Variants in PHEX observed in about 807,000 individuals in gnomAD.
PHEX encodes phosphate regulating endopeptidase X-linked.
PHEX carries 16 observed loss-of-function variants against 68.0 expected under a neutral mutation model. That is an observed-to-expected ratio of 0.24 (90% confidence interval 0.16 to 0.36). PHEX has a LOEUF of 0.36. Ranked by LOEUF, PHEX falls within the 10% of genes least tolerant of loss-of-function variation. PHEX has a pLI of 1.00. For missense variants in PHEX, 480 were observed against 575.5 expected, an observed-to-expected ratio of 0.83 and a Z score of 1.70; for synonymous variants, 208 against 205.1, an observed-to-expected ratio of 1.01 and a Z score of -0.12.
At chrX:22,092,373 T>C (rs1207904621) in intron 6 of PHEX, among the ~76,000 whole-genome samples, 1 of 111,314 alleles carries the variant, frequency 9.0e-6, no homozygotes, top group Non-Finnish European at 1.9e-5. Flanking sequence ...AATAAATATG[T>C]TTTTTGGTTT....
chrX:22,034,208 C>T (rs1267547478), intron 1 of PHEX, among the ~76,000 whole-genome samples: 1 of 111,935 alleles, frequency 8.9e-6, no homozygotes, highest in East Asian at 2.8e-4. Flanking sequence ...AGGGTTTAAA[C>T]AAGGGTCCTC....
chrX:22,047,351 A>G, intron 3 of PHEX, 140 bp downstream of exon 3: 2 of 566,396 alleles, frequency 3.5e-6, no homozygotes, highest in South Asian at 5.4e-5. Context: ...TTAAAATGAA[A>G]GATTGAAAGG....
intron 5 of PHEX, among the ~76,000 whole-genome samples, chrX:22,083,208 G>C (rs1455916949): frequency 2.7e-5 from 3 of 112,131 alleles, no homozygotes; most frequent in Non-Finnish European, 5.6e-5. Flanking sequence ...AGATGTAAAT[G>C]TAAAACCTAA....
At chrX:22,074,259 T>C (rs1272741141) in intron 3 of PHEX, among the ~76,000 whole-genome samples, 1 of 109,477 alleles carries the variant, frequency 9.1e-6, no homozygotes, top group African/African-American at 3.3e-5. Flanking sequence ...TGTCTGCATA[T>C]CAATGCTCTC....
At chrX:22,198,967 G>A (rs1934464215) in intron 15 of PHEX, among the ~76,000 whole-genome samples, 1 of 111,248 alleles carries the variant, frequency 9.0e-6, no homozygotes, top group Admixed American at 9.6e-5. Flanking sequence ...AGGCAAGAGA[G>A]TGTATGCAGG....
chrX:22,172,832 C>G (rs1005636306), intron 13 of PHEX: 2 of 111,895 alleles, frequency 1.8e-5, no homozygotes, highest in Non-Finnish European at 1.9e-5. Flanking sequence ...AAGTCAGAAT[C>G]ATGGCTGGCC....
chrX:22,049,882 T>C (rs1188040968), intron 3 of PHEX, among the ~76,000 whole-genome samples: 1 of 111,570 alleles, frequency 9.0e-6, no homozygotes, highest in African/African-American at 3.3e-5. Context: ...AAAAAGTTTG[T>C]TTCTAGGTCT....
At chrX:22,040,713 G>A (rs183329736) in intron 2 of PHEX, among the ~76,000 whole-genome samples, 12 of 110,852 alleles carry the variant, frequency 1.1e-4, no homozygotes, top group African/African-American at 3.6e-4. Context: ...CTTGAGGAAC[G>A]GGAGGAGCTT....
At chrX:22,034,239 G>T (rs1008533054) in intron 1 of PHEX, among the ~76,000 whole-genome samples, 2 of 112,171 alleles carry the variant, frequency 1.8e-5, no homozygotes, top group African/African-American at 6.5e-5. Context: ...CCAAACAAGA[G>T]GAAAAATTCT....
intron 3 of PHEX, among the ~76,000 whole-genome samples, chrX:22,056,851 G>A (rs1928136155): frequency 9.2e-6 from 1 of 108,865 alleles, no homozygotes; most frequent in Non-Finnish European, 1.9e-5. Context: ...CATCTTATGA[G>A]TGTTCCCATA....
At chrX:22,071,864 G>A (rs888761520) in intron 3 of PHEX, among the ~76,000 whole-genome samples, 2 of 112,024 alleles carry the variant, frequency 1.8e-5, no homozygotes, top group African/African-American at 6.5e-5. Flanking sequence ...TTGGGAGGCC[G>A]AGGCGGGTGG....
At chrX:22,153,047 A>G (rs1240380294) in intron 12 of PHEX, among the ~76,000 whole-genome samples, 1 of 108,020 alleles carries the variant, frequency 9.3e-6, no homozygotes, top group African/African-American at 3.4e-5. Context: ...GCTGGAGTGC[A>G]GTGGCACCAT....
At chrX:22,055,174 CAAA>C (rs111628195) in intron 3 of PHEX, among the ~76,000 whole-genome samples, 2 of 66,106 alleles carry the variant, frequency 3.0e-5, no homozygotes, top group Non-Finnish European at 6.0e-5. Flanking sequence ...GACTCCAGCT[CAAA>C]AAAAAAAAAA....
chrX:22,090,426 C>T lies in PHEX; in HGVS notation c.664-3C>T, dbSNP rs777845328. The T allele has an allele frequency of 8.3e-7, 1 of 1,203,709 alleles. No individual in the cohort carries two copies. Among genetic ancestry groups the T allele is most frequent in the Non-Finnish European group, 1.1e-6 (1 of 888,508 alleles). On this transcript the variant is annotated splice_polypyrimidine_tract_variant and splice_region_variant and intron_variant, in intron 5 of 21. Coordinates refer to ENST00000379374, the MANE Select transcript of PHEX (RefSeq NM_000444.6). ...AGAATGCTTTCTGTTTTTGTTTTTA[C>T]AGCTGGACCAAGCAACACTCTCCCT...
Position 22,203,493 on chromosome X carries a change from G to GA in PHEX, c.1646-9403dup, listed in dbSNP as rs200163898. The stretch of plus-strand genomic sequence containing the variant: ...CCAAACTACTGCAAGATGCCAACTT[G>GA]AAAAAAAAGCCATGATTAATCTTAG... On this transcript the variant is annotated intron_variant, in intron 15 of 21. Coordinates refer to ENST00000379374, the MANE Select transcript of PHEX (RefSeq NM_000444.6). 7.5e-3 allele frequency among the ~76,000 whole-genome samples: 826 copies of GA among 109,806 alleles called. 8 individuals are homozygous for GA. The highest frequency in any genetic ancestry group is 0.025 in the African/African-American group (754 of 30,234).
At chrX:22,107,481 T>G (rs758644696) in intron 9 of PHEX, among the ~76,000 whole-genome samples, 4 of 112,011 alleles carry the variant, frequency 3.6e-5, no homozygotes, top group Non-Finnish European at 7.5e-5. Context: ...ATCGGCCCAT[T>G]AATGTGCTAG....
chrX:22,093,981 A>G lies in PHEX; in HGVS notation c.733-2A>G. ...GGTCACTTTGTTCTTTATTTCTTAC[A>G]GTATCGGGATGCCCTTTACAAGTTC... is the stretch of plus-strand genomic sequence containing the variant. On this transcript the variant is annotated splice_acceptor_variant, in intron 6 of 21. Coordinates refer to ENST00000379374, the MANE Select transcript of PHEX (RefSeq NM_000444.6). LOFTEE classifies it high-confidence loss of function. The G allele has an allele frequency of 8.8e-7, 1 of 1,132,103 alleles. No homozygotes were observed. Among genetic ancestry groups the G allele is most frequent in the South Asian group, 1.8e-5 (1 of 55,227 alleles). The allele number at this position is 1,132,103 out of a possible 1,213,427, so 93.3% of individuals were successfully genotyped here.
At chrX:22,128,087 C>T (rs1343211884) in intron 11 of PHEX, among the ~76,000 whole-genome samples, 1 of 111,923 alleles carries the variant, frequency 8.9e-6, no homozygotes, top group African/African-American at 3.2e-5. Flanking sequence ...GAGACGGAAT[C>T]TTGCTCTGTC....
At chrX:22,070,452 G>C (rs1280206888) in intron 3 of PHEX, among the ~76,000 whole-genome samples, 1 of 111,717 alleles carries the variant, frequency 9.0e-6, no homozygotes, top group Non-Finnish European at 1.9e-5. Context: ...GGCTGAGTTA[G>C]GAGGATCACT....
Sources: gnomAD v4.1 joint callset for allele counts (sites outside exome capture counted in the v4.1 genomes callset) on GRCh38, gnomAD v4.1.1 for gene constraint, MANE v1.5 for transcripts, NCBI Gene and HGNC (gene_info 2026-07-23, HGNC 2026-07-21) for gene names.